The following ACAN variants were observed in gnomAD, a reference collection of about 807,000 sequenced individuals.
ACAN encodes the protein aggrecan core protein.
A neutral mutation model predicts 169.1 loss-of-function variants in ACAN; 47 were observed. The observed-to-expected ratio is 0.28, with a 90% CI of 0.22 to 0.35. ACAN has a LOEUF of 0.35. ACAN is among the 10% of genes least tolerant of loss of function. The pLI, the probability that ACAN is intolerant of heterozygous loss-of-function variation, is 1.00. For missense variants in ACAN, 2,716 were observed against 2,759.9 expected, an observed-to-expected ratio of 0.98 and a Z score of 0.36; for synonymous variants, 1,115 against 1,112.2, an observed-to-expected ratio of 1.00 and a Z score of -0.05.
chr15:88,851,103 G>GC lies in ACAN; in HGVS notation c.2027-686dup. On this transcript the variant is annotated intron_variant, in intron 10 of 18. Coordinates refer to ENST00000560601, the MANE Select transcript of ACAN (RefSeq NM_001369268.1). This position sits in a 1 kb window ranked among gnomAD's most constrained non-coding sequence, Gnocchi z 4.3. Reference sequence around the variant, plus strand: ...CTCCCAGAAATTTCCCAGCCATGCTGCCCCCAGCCTCCCACCCCTGACCCT... The same window carrying GC: ...CTCCCAGAAATTTCCCAGCCATGCTGCCCCCCAGCCTCCCACCCCTGACCCT... 6.6e-6 allele frequency: 1 copy of GC among 152,332 alleles called. No individual in the cohort carries two copies. Among genetic ancestry groups the GC allele is most frequent in the Non-Finnish European group, 1.5e-5 (1 of 68,228 alleles). The allele number at this position is 152,332 out of a possible 1,614,324, so 9.4% of individuals were successfully genotyped here.
chr15:88,847,567 G>A (rs888817047), intron 8 of ACAN, 150 bp downstream of exon 8: 2 of 993,324 alleles, frequency 2.0e-6, no homozygotes, highest in Non-Finnish European at 2.9e-6. Context: ...TATCCCGAAA[G>A]GGTGGTGAAG....
At position 88,843,656 on chromosome 15, in the gene ACAN, A is replaced by G. The variant is rs1896723424; in HGVS notation, c.1051+8A>G. 6.4e-7 allele frequency: 1 copy of G among 1,560,462 alleles called. No homozygotes were observed. Among genetic ancestry groups the G allele is most frequent in the Non-Finnish European group, 8.7e-7 (1 of 1,145,728 alleles). On this transcript the variant is annotated splice_region_variant and intron_variant, in intron 6 of 18. Transcript: ENST00000560601. This position sits in a 1 kb window ranked among gnomAD's most constrained non-coding sequence, Gnocchi z 4.0. ...ACGCCATCTGCTACACAGGTGGGGCACGGCTGGTGGTGGGAAGGGAGTTCA... is the reference window on the plus strand; with the variant it reads ...ACGCCATCTGCTACACAGGTGGGGCGCGGCTGGTGGTGGGAAGGGAGTTCA...
Position 88,851,374 on chromosome 15 carries a change from G to C in ACAN, c.2027-420G>C. The C allele has an allele frequency of 6.1e-6, 1 of 162,870 alleles. No homozygotes were observed. Among genetic ancestry groups the C allele is most frequent in the South Asian group, 1.8e-4 (1 of 5,408 alleles). 10.1% of individuals were successfully genotyped at this position (162,870 alleles called of 1,614,324 possible). ...GTTGAGAGCGTGGAGTCTGGTACCA[G>C]ATGCTTAAATTCAAAGACTAGATCT... On this transcript the variant is annotated intron_variant, in intron 10 of 18. Coordinates refer to ENST00000560601, the MANE Select transcript of ACAN (RefSeq NM_001369268.1). This position sits in a 1 kb window ranked among gnomAD's most constrained non-coding sequence, Gnocchi z 4.3.
At position 88,871,989 on chromosome 15, in the gene ACAN, C is replaced by T. The variant is rs370912237; in HGVS notation, c.7220-14C>T. 1 of 1,611,884 alleles carries T rather than the reference C, an allele frequency of 6.2e-7. No homozygotes were observed. ...TGTCCAGTGTGATGCCTGACACCCT[C>T]ACCCTTTCCCCAGACAATGCCCAAG... On this transcript the variant is annotated splice_polypyrimidine_tract_variant and intron_variant, in intron 15 of 18. Transcript: ENST00000560601. This position sits in a 1 kb window ranked among gnomAD's most constrained non-coding sequence, Gnocchi z 7.8.
chr15:88,815,561 G>GAA (rs11291752), intron 1 of ACAN, among the ~76,000 whole-genome samples: 1 of 100,512 alleles, frequency 9.9e-6, no homozygotes, highest in Non-Finnish European at 2.1e-5. Context: ...TCCAACTCAA[G>GAA]AAAAAAAAAA....
In ACAN at chr15:88,869,023, T is replaced by G. The variant is rs1376887555; in HGVS notation, c.7060+694T>G. Among the ~76,000 whole-genome samples the G allele has an allele frequency of 6.6e-6, 1 of 152,134 alleles. No homozygotes were observed. The highest frequency in any genetic ancestry group is 1.5e-5 in the Non-Finnish European group (1 of 68,042). On this transcript the variant is annotated intron_variant, in intron 14 of 18. Transcript: ENST00000560601. This position sits in a 1 kb window ranked among gnomAD's most constrained non-coding sequence, Gnocchi z 4.2. Reference sequence around the variant, plus strand: ...TTACAAGGGGGAGGACTGAGTTACCTCTCTTGGGCCTTGCCAACCTCTCCA... The same window carrying G: ...TTACAAGGGGGAGGACTGAGTTACCGCTCTTGGGCCTTGCCAACCTCTCCA...
rs964512161 is a variant in ACAN, at chr15:88,867,349, G to A, written c.6947-867G>A. On this transcript the variant is annotated intron_variant, in intron 13 of 18. Coordinates refer to ENST00000560601, the MANE Select transcript of ACAN (RefSeq NM_001369268.1). ...GAAAAGAGGCAGAGGATGGGGATGT[G>A]CCTGTATCCCAGACTGGTGCCAGTG... Among the ~76,000 whole-genome samples the A allele has an allele frequency of 2.6e-5, 4 of 152,208 alleles. No individual in the cohort carries two copies. In the East Asian group the frequency reaches 5.8e-4, roughly 22 times the overall value.
chr15:88,845,980 C>A (rs1029039803), intron 7 of ACAN, 98 bp downstream of exon 7: 9 of 1,299,002 alleles, frequency 6.9e-6, no homozygotes, highest in Non-Finnish European at 9.1e-6. Context: ...TTCTACTTAA[C>A]CTGGCACGTG....
In ACAN at chr15:88,858,423, C is replaced by T; in HGVS notation, c.5838C>T (p.Thr1946=). 1 of 1,613,660 alleles carries T rather than the reference C, an allele frequency of 6.2e-7. No individual in the cohort carries two copies. Among genetic ancestry groups the T allele is most frequent in the Non-Finnish European group, 8.5e-7 (1 of 1,179,894 alleles). Residue 1946 remains threonine, a synonymous_variant, in exon 12 of 19, where the codon ACC becomes ACT. Transcript: ENST00000560601. The surrounding 1 kb of genome is among the most constrained non-coding windows in gnomAD (Gnocchi z 4.0). ...LVDRTLVESV[T]QAPTAQEAGE... ...ACAGAACTTTGGTGGAATCTGTAAC[C>T]CAGGCTCCAACAGCCCAAGAGGCAG...
intron 1 of ACAN, among the ~76,000 whole-genome samples, chr15:88,826,276 T>C (rs1896216269): frequency 6.6e-6 from 1 of 151,884 alleles, no homozygotes; most frequent in Admixed American, 6.6e-5. Flanking sequence ...TGATTAGAGC[T>C]CTTGAAAAAG....
chr15:88,853,753 G>GATAGATAC (rs1357322991), intron 11 of ACAN, among the ~76,000 whole-genome samples: 5 of 150,176 alleles, frequency 3.3e-5, no homozygotes, highest in African/African-American at 1.2e-4. Context: ...TAGATAGATA[G>GATAGATAC]ATACATACAT....
intron 13 of ACAN, among the ~76,000 whole-genome samples, chr15:88,867,475 G>C (rs1897298459): frequency 6.6e-6 from 1 of 152,182 alleles, no homozygotes; most frequent in African/African-American, 2.4e-5. Context: ...CCTGGAGATA[G>C]CCACCTTCTG....
chr15:88,830,883 A>G (rs7166280), intron 1 of ACAN, among the ~76,000 whole-genome samples: 94,071 of 151,542 alleles, frequency 0.62, 29,561 homozygotes, highest in Middle Eastern at 0.73. Context: ...CGGCTGCAGC[A>G]TCACCAGGTG....
rs1312053022 is a variant in ACAN at position 88,857,456 on chromosome 15, G to A, written c.4871G>A (p.Gly1624Asp). 1.2e-6 allele frequency: 2 copies of A among 1,613,802 alleles called. No homozygotes were observed. The highest frequency in any genetic ancestry group is 2.2e-5 in the East Asian group (1 of 44,902). ...AGTGGGCAAGCTCCAGAAACAAGTG[G>A]TCTTCCCTCTGGATTTAGTGGTGAG... Reference protein sequence around the residue: ...LGSGQAPETSGLPSGFSGEYS... With the variant: ...LGSGQAPETSDLPSGFSGEYS... The change falls in exon 12 of 19, where the codon GGT becomes GAT. Residue 1624 changes from glycine (G) to aspartate (D), a missense_variant. Transcript: ENST00000560601.
Position 88,857,514 on chromosome 15 carries a change from C to T in ACAN, c.4929C>T (p.Pro1643=). 1 of 1,613,940 alleles carries T rather than the reference C, an allele frequency of 6.2e-7. No individual in the cohort carries two copies. The highest frequency in any genetic ancestry group is 8.5e-7 in the Non-Finnish European group (1 of 1,179,898). The change falls in exon 12 of 19, where the codon CCC becomes CCT. Residue 1643 remains proline (P), a synonymous_variant. Coordinates refer to ENST00000560601, the MANE Select transcript of ACAN (RefSeq NM_001369268.1). ...GGGTGGACCTTGGAAGTGGCCCACC[C>T]TCTGGCCTGCCTGACTTTAGTGGAC... The part of the protein sequence containing the change: ...YSGVDLGSGP[P]SGLPDFSGLP...
At chr15:88,824,878 C>T (rs115301359) in intron 1 of ACAN, among the ~76,000 whole-genome samples, 4,474 of 148,726 alleles carry the variant, frequency 0.03, 227 homozygotes, top group African/African-American at 0.1. Flanking sequence ...GCTGACAGAG[C>T]GAGACTCTGT....
chr15:88,847,596 G>C (rs1178117383), intron 8 of ACAN, among the ~76,000 whole-genome samples, 179 bp downstream of exon 8: 1 of 152,158 alleles, frequency 6.6e-6, no homozygotes, highest in Non-Finnish European at 1.5e-5. Flanking sequence ...GTAATGTTCA[G>C]TTCTTGGTCA....
Position 88,849,568 on chromosome 15 carries a change from G to A in ACAN, c.1863G>A (p.Lys621=), listed in dbSNP as rs1038689998. The part of the protein sequence containing the change: ...LYAAWSRGLD[K]CYAGWLADGS... ...CCGCCTGGAGCCGCGGCCTGGACAAGTGCTATGCCGGCTGGCTGGCCGACG... is the reference window on the plus strand; with the variant it reads ...CCGCCTGGAGCCGCGGCCTGGACAAATGCTATGCCGGCTGGCTGGCCGACG... The change falls in exon 10 of 19, where the codon AAG becomes AAA. Residue 621 remains lysine, a synonymous_variant. Transcript: ENST00000560601. The surrounding 1 kb of genome is among the most constrained non-coding windows in gnomAD (Gnocchi z 5.1). 3.7e-6 allele frequency: 6 copies of A among 1,607,680 alleles called. No homozygotes were observed. In the African/African-American group the frequency reaches 6.7e-5, roughly 18 times the overall value.
At chr15:88,820,189 T>C (rs1339674044) in intron 1 of ACAN, among the ~76,000 whole-genome samples, 2 of 152,200 alleles carry the variant, frequency 1.3e-5, no homozygotes, top group East Asian at 3.9e-4. Context: ...TGCTCACAGA[T>C]GAGTTATAGA....
Sources: allele counts gnomAD v4.1 joint callset (sites outside exome capture counted in the v4.1 genomes callset), GRCh38; gene constraint gnomAD v4.1.1; non-coding constraint Gnocchi (gnomAD v3.1); transcripts MANE v1.5; gene names NCBI Gene and HGNC (gene_info 2026-07-23, HGNC 2026-07-21).